SRPK1: variants seen among roughly 807,000 people sequenced by gnomAD.
The protein encoded by SRPK1 is SFRS protein kinase 1.
Under a neutral mutation model 89.5 loss-of-function variants are expected in SRPK1, and 52 were observed. The observed-to-expected ratio is 0.58, with a 90% CI of 0.46 to 0.73. The LOEUF is 0.73. SRPK1 is among the 30% of genes least tolerant of loss of function. The pLI, the probability that SRPK1 is intolerant of heterozygous loss-of-function variation, is 0.00. For synonymous variants in SRPK1, 255 were observed against 270.2 expected, an observed-to-expected ratio of 0.94 and a Z score of 0.55; for missense variants, 603 against 780.6, an observed-to-expected ratio of 0.77 and a Z score of 2.71.
intron 2 of SRPK1, among the ~76,000 whole-genome samples, chr6:35,909,306 C>T (rs889038349): frequency 3.9e-5 from 6 of 152,236 alleles, no homozygotes; most frequent in East Asian, 1.9e-4. Context: ...AGTGACAGCC[C>T]GGCTGAATTT....
chr6:35,873,613 C>G (rs1770085150), intron 7 of SRPK1, among the ~76,000 whole-genome samples: 1 of 151,462 alleles, frequency 6.6e-6, no homozygotes, highest in South Asian at 2.1e-4. Context: ...CCTCAGCCTG[C>G]CGAGTAGCTG....
At chr6:35,852,091 G>C (rs767794473) in intron 13 of SRPK1, among the ~76,000 whole-genome samples, 1 of 152,128 alleles carries the variant, frequency 6.6e-6, no homozygotes, top group African/African-American at 2.4e-5. Context: ...CTATTCAATG[G>C]GGTTACAATG....
At position 35,869,592 on chromosome 6, in the gene SRPK1, C is replaced by T. The variant is rs778485680; in HGVS notation, c.1301G>A (p.Gly434Asp). 20 of 1,613,822 alleles carry T rather than the reference C, an allele frequency of 1.2e-5. No homozygotes were observed. The highest frequency in any genetic ancestry group is 2.2e-5 in the East Asian group (1 of 44,890). ...TMVCQSSSTV[G>D]QSFSEQHISQ... Reference sequence around the variant, plus strand: ...AATGTGTTGTTCACTGAATGACTGACCTACAGTTGAGGAAGACTGGCACAC... The same window carrying T: ...AATGTGTTGTTCACTGAATGACTGATCTACAGTTGAGGAAGACTGGCACAC... Residue 434 changes from glycine to aspartate, a missense_variant, in exon 11 of 16, where the codon GGT (glycine) becomes GAT (aspartate). By Grantham distance (94) the Gly-to-Asp change is moderately conservative. Transcript: ENST00000373825.
At chr6:35,855,720 G>A (rs939874903) in intron 13 of SRPK1, among the ~76,000 whole-genome samples, 1 of 152,072 alleles carries the variant, frequency 6.6e-6, no homozygotes, top group Admixed American at 6.6e-5. Context: ...TATTAACAAA[G>A]TGACTCATGT....
At chr6:35,836,582 G>C (rs1262172012) in intron 15 of SRPK1, among the ~76,000 whole-genome samples, 1 of 151,782 alleles carries the variant, frequency 6.6e-6, no homozygotes, top group Admixed American at 6.6e-5. Flanking sequence ...GTGAAACCCT[G>C]CCTCTACCAA....
chr6:35,849,810 G>A (rs1769514579), intron 13 of SRPK1, among the ~76,000 whole-genome samples: 1 of 152,060 alleles, frequency 6.6e-6, no homozygotes, highest in Non-Finnish European at 1.5e-5. Flanking sequence ...AACTGAAACT[G>A]GTACCAAGTG....
chr6:35,850,823 C>CTCT (rs1395688145), intron 13 of SRPK1, among the ~76,000 whole-genome samples: 13 of 152,180 alleles, frequency 8.5e-5, no homozygotes, highest in Admixed American at 3.9e-4. Flanking sequence ...GGGGTTATTT[C>CTCT]AAATAAAGTA....
chr6:35,841,044 GAAGTA>G (rs1307146120), intron 14 of SRPK1, among the ~76,000 whole-genome samples: 1 of 152,014 alleles, frequency 6.6e-6, no homozygotes, highest in Non-Finnish European at 1.5e-5. Flanking sequence ...AGAATCTAGG[GAAGTA>G]AAGGGGAAAA....
intron 2 of SRPK1, among the ~76,000 whole-genome samples, chr6:35,895,905 T>C (rs1227747960): frequency 6.6e-6 from 1 of 152,200 alleles, no homozygotes; most frequent in Non-Finnish European, 1.5e-5. Flanking sequence ...TCCAGACAGC[T>C]GAATAAGTAG....
Position 35,920,939 on chromosome 6 carries a change from C to T in SRPK1, c.13+105G>A, listed in dbSNP as rs768535900. 33 of 1,325,668 alleles carry T rather than the reference C, an allele frequency of 2.5e-5. No individual in the cohort carries two copies. The South Asian group carries it at 4.3e-4, about 17-fold the overall frequency. 82.1% of individuals were successfully genotyped at this position (1,325,668 alleles called of 1,614,324 possible). On this transcript the variant is annotated intron_variant, in intron 1 of 15. Transcript: ENST00000373825. The stretch of plus-strand genomic sequence containing the variant: ...GCCACCTCAGTGGAGGGGCGCCGCA[C>T]GTCCGGGAACCGAACCGCGGCAGTT...
chr6:35,915,932 A>T (rs1280169511), intron 2 of SRPK1, among the ~76,000 whole-genome samples: 1 of 144,548 alleles, frequency 6.9e-6, no homozygotes, highest in Non-Finnish European at 1.5e-5. Flanking sequence ...AGATTGCACC[A>T]CTGAACTCCA....
chr6:35,855,539 A>G (rs1179977223), intron 13 of SRPK1, among the ~76,000 whole-genome samples: 2 of 152,164 alleles, frequency 1.3e-5, no homozygotes, highest in Admixed American at 1.3e-4. Flanking sequence ...AGAGCATAAT[A>G]TGTTTCTGTT....
intron 13 of SRPK1, among the ~76,000 whole-genome samples, chr6:35,854,363 T>C (rs976474519): frequency 3.3e-5 from 5 of 152,204 alleles, no homozygotes; most frequent in African/African-American, 9.6e-5. Flanking sequence ...AATCTTTCCA[T>C]CAATTAATTA....
intron 12 of SRPK1, among the ~76,000 whole-genome samples, chr6:35,858,397 C>A (rs1286742124): frequency 6.6e-6 from 1 of 151,292 alleles, no homozygotes; most frequent in Non-Finnish European, 1.5e-5. Flanking sequence ...GTTGAAAGTG[C>A]ACATCAAATT....
chr6:35,909,922 T>A (rs1232810458), intron 2 of SRPK1, among the ~76,000 whole-genome samples: 1 of 152,160 alleles, frequency 6.6e-6, no homozygotes, highest in Non-Finnish European at 1.5e-5. Flanking sequence ...TCCTTTATAA[T>A]TACCCAGTCT....
chr6:35,896,672 C>T (rs1770631775), intron 2 of SRPK1, among the ~76,000 whole-genome samples: 1 of 152,118 alleles, frequency 6.6e-6, no homozygotes, highest in Non-Finnish European at 1.5e-5. Context: ...GATTTTGTTA[C>T]CAGTAGTGTT....
chr6:35,888,675 C>A, intron 4 of SRPK1, 140 bp downstream of exon 4: 1 of 594,706 alleles, frequency 1.7e-6, no homozygotes, highest in South Asian at 2.2e-5. Context: ...TCCAAGAATA[C>A]AGAGACTATT....
chr6:35,888,747 G>C, intron 4 of SRPK1, 68 bp downstream of exon 4: 2 of 1,033,174 alleles, frequency 1.9e-6, no homozygotes, highest in Admixed American at 3.4e-5. Context: ...TGGATCAGCA[G>C]TGGAAACTCA....
Position 35,838,434 on chromosome 6 carries a change from A to T in SRPK1, c.1691-5T>A. On this transcript the variant is annotated splice_region_variant and splice_polypyrimidine_tract_variant and intron_variant, in intron 14 of 15. Transcript: ENST00000373825. The stretch of plus-strand genomic sequence containing the variant: ...CTATGATCAATGCAATGTGATCTGT[A>T]TATTTCAAACATTTCAAGAGGGGGG... The T allele has an allele frequency of 1.3e-6, 2 of 1,577,104 alleles. No homozygotes were observed. Among genetic ancestry groups the T allele is most frequent in the Non-Finnish European group, 1.7e-6 (2 of 1,168,952 alleles).
Sources: allele counts gnomAD v4.1 joint callset (sites outside exome capture counted in the v4.1 genomes callset), GRCh38; gene constraint gnomAD v4.1.1; transcripts MANE v1.5; gene names NCBI Gene and HGNC (gene_info 2026-07-23, HGNC 2026-07-21).